TNPO3: variants seen among roughly 807,000 people sequenced by gnomAD.
TNPO3 encodes transportin-3.
TNPO3 carries 65 observed loss-of-function variants against 122.8 expected under a neutral mutation model. That is an observed-to-expected ratio of 0.53 (90% confidence interval 0.43 to 0.65). The LOEUF (loss-of-function observed/expected upper bound fraction) is 0.65. TNPO3 is among the 30% of genes least tolerant of loss of function. The pLI, the probability that TNPO3 is intolerant of heterozygous loss-of-function variation, is 0.00. For missense variants in TNPO3, 850 were observed against 1,136.7 expected, an observed-to-expected ratio of 0.75 and a Z score of 3.63; for synonymous variants, 372 against 411.2, an observed-to-expected ratio of 0.90 and a Z score of 1.15.
chr7:128,972,594 A>G lies in TNPO3; in HGVS notation c.2274-12T>C. The G allele has an allele frequency of 6.2e-7, 1 of 1,611,612 alleles. No homozygotes were observed. The highest frequency in any genetic ancestry group is 1.7e-4 in the Middle Eastern group (1 of 6,054). ...TACGCTGAATAAACCTGGTGTGGAA[A>G]GTGAGACTAGGTATAAATGACAAGA... On this transcript the variant is annotated splice_polypyrimidine_tract_variant and intron_variant, in intron 18 of 22. Coordinates refer to ENST00000265388, the MANE Select transcript of TNPO3 (RefSeq NM_012470.4).
At chr7:128,978,282 A>G (rs1230109075) in intron 16 of TNPO3, among the ~76,000 whole-genome samples, 1 of 152,252 alleles carries the variant, frequency 6.6e-6, no homozygotes, top group Non-Finnish European at 1.5e-5. Flanking sequence ...TAATGACTAA[A>G]AGAGTCAAAT....
chr7:129,005,782 C>CTTTTTTTTTTT (rs1186834521), intron 4 of TNPO3, among the ~76,000 whole-genome samples: 1 of 132,262 alleles, frequency 7.6e-6, no homozygotes. Flanking sequence ...CTTTTCTTTT[C>CTTTTTTTTTTT]TTTTTTTTTT....
chr7:128,975,614 C>T (rs1164032350), intron 17 of TNPO3, among the ~76,000 whole-genome samples: 1 of 152,200 alleles, frequency 6.6e-6, no homozygotes, highest in Admixed American at 6.5e-5. Context: ...ATAATCATTA[C>T]ACTCATGTGG....
chr7:128,970,111 G>C (rs1210037170), intron 20 of TNPO3, 37 bp downstream of exon 20: 2 of 1,612,496 alleles, frequency 1.2e-6, no homozygotes, highest in Non-Finnish European at 1.7e-6. Flanking sequence ...TTACATTTAG[G>C]GACTATGAGA....
intron 14 of TNPO3, among the ~76,000 whole-genome samples, chr7:128,981,336 C>T (rs1438423231): frequency 6.6e-6 from 1 of 152,190 alleles, no homozygotes; most frequent in African/African-American, 2.4e-5. Context: ...TTATGTTACT[C>T]AGTAAGAATT....
chr7:128,965,006 G>A (rs1041841555), intron 21 of TNPO3, among the ~76,000 whole-genome samples: 4 of 152,102 alleles, frequency 2.6e-5, no homozygotes, highest in Admixed American at 1.3e-4. Context: ...AAACCTAGGC[G>A]GAAAACTTCA....
intron 5 of TNPO3, 67 bp downstream of exon 5, chr7:129,004,949 T>C (rs2150392316): frequency 6.6e-7 from 1 of 1,513,524 alleles, no homozygotes; most frequent in South Asian, 1.2e-5. Flanking sequence ...AACGTTTTTA[T>C]GTCCCAGCAG....
At chr7:128,991,720 A>G (rs939827265) in intron 10 of TNPO3, among the ~76,000 whole-genome samples, 2 of 152,172 alleles carry the variant, frequency 1.3e-5, no homozygotes, top group Non-Finnish European at 1.5e-5. Context: ...TACCATACCA[A>G]CTTTCACAAG....
At chr7:129,002,271 G>A (rs1280711077) in intron 5 of TNPO3, among the ~76,000 whole-genome samples, 1 of 152,216 alleles carries the variant, frequency 6.6e-6, no homozygotes, top group African/African-American at 2.4e-5. Context: ...AGTTATTTGA[G>A]GGGGTTTGAG....
At chr7:129,040,978 G>A (rs970567914) in intron 1 of TNPO3, among the ~76,000 whole-genome samples, 52 of 152,204 alleles carry the variant, frequency 3.4e-4, no homozygotes, top group African/African-American at 1.1e-3. Flanking sequence ...TAAGTACATC[G>A]TCAACGAAAA....
At chr7:129,031,512 TG>T (rs1805947224) in intron 1 of TNPO3, among the ~76,000 whole-genome samples, 1 of 152,114 alleles carries the variant, frequency 6.6e-6, no homozygotes, top group African/African-American at 2.4e-5. Flanking sequence ...ACAGAAAATC[TG>T]AACAGACCTA....
chr7:129,043,043 T>C (rs1807581520), intron 1 of TNPO3, among the ~76,000 whole-genome samples: 1 of 152,022 alleles, frequency 6.6e-6, no homozygotes, highest in South Asian at 2.1e-4. Flanking sequence ...GAGCTAAATA[T>C]ATAATCAAAA....
At chr7:128,971,402 T>C (rs951921178) in intron 19 of TNPO3, among the ~76,000 whole-genome samples, 75 of 152,362 alleles carry the variant, frequency 4.9e-4, no homozygotes, top group African/African-American at 1.7e-3. Context: ...CGCCTTGGCC[T>C]CCCAAAGTGC....
At chr7:129,043,971 A>G (rs899737256) in intron 1 of TNPO3, among the ~76,000 whole-genome samples, 1 of 152,254 alleles carries the variant, frequency 6.6e-6, no homozygotes, top group African/African-American at 2.4e-5. Flanking sequence ...TTTATAACCC[A>G]TATAAACCAG....
At chr7:128,959,880 G>A (rs546531165) in intron 21 of TNPO3, among the ~76,000 whole-genome samples, 1 of 152,128 alleles carries the variant, frequency 6.6e-6, no homozygotes, top group Non-Finnish European at 1.5e-5. Flanking sequence ...AATTAGCCGT[G>A]TGTGGTGGTG....
chr7:129,041,785 G>A (rs1383328670), intron 1 of TNPO3: 1 of 964,780 alleles, frequency 1.0e-6, no homozygotes, highest in African/African-American at 1.8e-5. Flanking sequence ...AGCAGTAGCA[G>A]AACAGGCCTT....
intron 12 of TNPO3, 130 bp from the exon 13 acceptor site, chr7:128,984,389 T>C (rs1306012957): frequency 1.9e-6 from 1 of 524,484 alleles, no homozygotes; most frequent in African/African-American, 1.9e-5. Flanking sequence ...ATCAGCATTG[T>C]TTTTTAAAAT....
chr7:128,999,063 G>T (rs1438269516), intron 7 of TNPO3, among the ~76,000 whole-genome samples: 2 of 152,108 alleles, frequency 1.3e-5, no homozygotes, highest in Non-Finnish European at 2.9e-5. Flanking sequence ...ATGTTGGTCA[G>T]GCTGGTCTTG....
At chr7:129,010,911 G>C (rs1324922640) in intron 4 of TNPO3, among the ~76,000 whole-genome samples, 1 of 143,350 alleles carries the variant, frequency 7.0e-6, no homozygotes, top group African/African-American at 2.6e-5. Flanking sequence ...TGAGACCATA[G>C]AGAAGCTCTA....
Sources: allele counts gnomAD v4.1 joint callset (sites outside exome capture counted in the v4.1 genomes callset), GRCh38; gene constraint gnomAD v4.1.1; transcripts MANE v1.5; gene names NCBI Gene and HGNC (gene_info 2026-07-23, HGNC 2026-07-21).